The following NLGN4X variants were observed in gnomAD, a reference collection of about 807,000 sequenced individuals.
NLGN4X encodes the protein neuroligin 4 X-linked, also known as neuroligin-4, X-linked.
NLGN4X carries 3 observed loss-of-function variants against 40.3 expected under a neutral mutation model. The observed-to-expected ratio is 0.07, with a 90% confidence interval of 0.03 to 0.19. NLGN4X has a LOEUF of 0.19. Ranked by LOEUF, NLGN4X falls within the 10% of genes least tolerant of loss-of-function variation. The pLI, the probability that NLGN4X is intolerant of heterozygous loss-of-function variation, is 1.00. For synonymous variants in NLGN4X, 270 were observed against 306.8 expected (o/e 0.88, Z 1.25); for missense variants, 382 against 708.3 (o/e 0.54, Z 5.23).
intron 1 of NLGN4X, among the ~76,000 whole-genome samples, chrX:6,211,172 A>G (rs1338662642): frequency 8.9e-6 from 1 of 111,899 alleles, no homozygotes; most frequent in Admixed American, 9.6e-5. Context: ...ATAAGGTTTC[A>G]AGTGAATACA....
chrX:5,963,170 A>G (rs1372238533), intron 3 of NLGN4X, among the ~76,000 whole-genome samples: 1 of 111,221 alleles, frequency 9.0e-6, no homozygotes, highest in Non-Finnish European at 1.9e-5. Flanking sequence ...TCAGAAAAAA[A>G]AAGAGAAGAG....
Position 6,225,689 on chromosome X carries a change from C to CTTTTTT in NLGN4X, c.-306+2846_-306+2851dup, listed in dbSNP as rs749574818. The stretch of plus-strand genomic sequence containing the variant: ...TTTCCTTTTTTTTCTTTCTTTTTTT[C>CTTTTTT]TTTTTTTTTTTTTTTTTTTTTTTTT... On this transcript the variant is annotated intron_variant, in intron 1 of 5. Coordinates refer to ENST00000381095, the MANE Select transcript of NLGN4X (RefSeq NM_181332.3). Among the ~76,000 whole-genome samples the CTTTTTT allele has an allele frequency of 1.5e-3, 39 of 26,881 alleles. 1 individual carries two copies. Among genetic ancestry groups the CTTTTTT allele is most frequent in the Admixed American group, 2.8e-3 (4 of 1,429 alleles). 23.3% of individuals were successfully genotyped at this position (26,881 alleles called of 115,157 possible).
intron 3 of NLGN4X, among the ~76,000 whole-genome samples, chrX:5,990,971 G>A (rs1329851275): frequency 9.0e-6 from 1 of 110,777 alleles, no homozygotes; most frequent in Non-Finnish European, 1.9e-5. Context: ...AATAATACCA[G>A]CACATGCGTG....
intron 3 of NLGN4X, among the ~76,000 whole-genome samples, chrX:5,984,873 C>T (rs1427404427): frequency 9.0e-6 from 1 of 111,537 alleles, no homozygotes; most frequent in Non-Finnish European, 1.9e-5. Flanking sequence ...TTTAGATCAC[C>T]GATAGATTCT....
Position 5,903,167 on chromosome X carries a change from G to T in NLGN4X, c.1511C>A (p.Pro504His). 1 of 1,212,004 alleles carries T rather than the reference G, an allele frequency of 8.3e-7. No individual in the cohort carries two copies. The change falls in exon 5 of 6, where the codon CCC becomes CAC. Residue 504 changes from proline (P) to histidine (H), a missense_variant. Coordinates refer to ENST00000381095, the MANE Select transcript of NLGN4X (RefSeq NM_181332.3). ...PYVFGIPMIG[P>H]TELFSCNFSK... is the part of the protein sequence containing the mutation. ...AAAGTTACAACTGAAGAGCTCGGTG[G>T]GACCGATCATGGGGATGCCGAAGAC...
At chrX:6,083,237 C>G (rs1283152293) in intron 2 of NLGN4X, among the ~76,000 whole-genome samples, 1 of 109,018 alleles carries the variant, frequency 9.2e-6, no homozygotes, top group South Asian at 3.9e-4. Context: ...GGATTACAGG[C>G]GTGAGCCACC....
chrX:6,087,438 C>T (rs2038525213), intron 2 of NLGN4X, among the ~76,000 whole-genome samples: 1 of 111,882 alleles, frequency 8.9e-6, no homozygotes, highest in Admixed American at 9.5e-5. Context: ...GTGAATATTA[C>T]TCTGTGTCCT....
intron 2 of NLGN4X, among the ~76,000 whole-genome samples, chrX:6,039,980 C>T (rs1199455157): frequency 8.9e-6 from 1 of 112,027 alleles, no homozygotes; most frequent in Non-Finnish European, 1.9e-5. Context: ...CTCTGTCACA[C>T]AGGCTGGAGT....
chrX:6,023,716 T>C (rs1440744192), intron 3 of NLGN4X, among the ~76,000 whole-genome samples: 1 of 112,458 alleles, frequency 8.9e-6, no homozygotes, highest in Non-Finnish European at 1.9e-5. Context: ...AATGAGTTGA[T>C]GTTACATAGT....
chrX:6,182,648 G>A (rs1419935367), intron 1 of NLGN4X, among the ~76,000 whole-genome samples: 1 of 111,908 alleles, frequency 8.9e-6, no homozygotes, highest in Non-Finnish European at 1.9e-5. Context: ...TGGGTTAGCT[G>A]GGTGAGCCCA....
intron 2 of NLGN4X, among the ~76,000 whole-genome samples, chrX:6,130,678 C>T (rs2039660923): frequency 8.9e-6 from 1 of 112,813 alleles, no homozygotes; most frequent in South Asian, 3.6e-4. Flanking sequence ...TTCTTTTGCC[C>T]ATATTTGGCC....
At chrX:6,162,392 G>A (rs185327622) in intron 1 of NLGN4X, among the ~76,000 whole-genome samples, 190 of 111,794 alleles carry the variant, frequency 1.7e-3, no homozygotes, top group African/African-American at 5.6e-3. Context: ...GAGGGCTGGG[G>A]AAGGCAGACC....
At position 6,050,449 on chromosome X, in the gene NLGN4X, CCTAT is replaced by C. The variant is rs748288462; in HGVS notation, c.473-21021_473-21018del. Reference sequence around the variant, plus strand: ...AAATTTATATCTACTTATTTACCTACCTATCTATCCATCTCTATCATCTATCCAT... The same window carrying C: ...AAATTTATATCTACTTATTTACCTACCTATCCATCTCTATCATCTATCCAT... On this transcript the variant is annotated intron_variant, in intron 2 of 5. Coordinates refer to ENST00000381095, the MANE Select transcript of NLGN4X (RefSeq NM_181332.3). Among the ~76,000 whole-genome samples, 253 of 111,000 alleles carry C rather than the reference CCTAT, an allele frequency of 2.3e-3. 1 individual carries two copies. Among genetic ancestry groups the C allele is most frequent in the African/African-American group, 7.4e-3 (225 of 30,481 alleles).
chrX:6,199,622 G>T (rs975552398), intron 1 of NLGN4X, among the ~76,000 whole-genome samples: 56 of 111,635 alleles, frequency 5.0e-4, no homozygotes, highest in Non-Finnish European at 2.8e-4. Flanking sequence ...TTTAGTGTTA[G>T]AATGTAAATG....
intron 2 of NLGN4X, among the ~76,000 whole-genome samples, chrX:6,046,456 T>C (rs2037320314): frequency 1.8e-5 from 2 of 111,261 alleles, no homozygotes; most frequent in Admixed American, 1.9e-4. Flanking sequence ...AAAAGTACCA[T>C]TAGCTAAAAA....
intron 3 of NLGN4X, among the ~76,000 whole-genome samples, chrX:6,024,608 C>T (rs769703206): frequency 6.3e-5 from 7 of 110,872 alleles, no homozygotes; most frequent in Non-Finnish European, 9.4e-5. Flanking sequence ...CCACCAAAAC[C>T]AAGATGGCAA....
intron 1 of NLGN4X, among the ~76,000 whole-genome samples, chrX:6,168,297 G>T (rs988010527): frequency 1.8e-5 from 2 of 111,775 alleles, no homozygotes; most frequent in African/African-American, 6.5e-5. Context: ...TCCCTCCATG[G>T]AAATCTATCA....
intron 1 of NLGN4X, among the ~76,000 whole-genome samples, chrX:6,172,617 C>A (rs1336094865): frequency 9.0e-6 from 1 of 111,549 alleles, no homozygotes. Context: ...CTCTTGTTTT[C>A]TTGGTTGGTG....
chrX:5,902,202 G>C (rs1002554432), intron 5 of NLGN4X, among the ~76,000 whole-genome samples: 8 of 111,306 alleles, frequency 7.2e-5, no homozygotes, highest in South Asian at 3.8e-4. Flanking sequence ...AGACCAGCTC[G>C]GGTGACACAG....
Sources: gnomAD v4.1 joint callset for allele counts (sites outside exome capture counted in the v4.1 genomes callset) on GRCh38, gnomAD v4.1.1 for gene constraint, MANE v1.5 for transcripts, NCBI Gene and HGNC (gene_info 2026-07-23, HGNC 2026-07-21) for gene names.